ADAM10: variants seen among roughly 807,000 people sequenced by gnomAD.
ADAM10 encodes disintegrin and metalloproteinase domain-containing protein 10.
A neutral mutation model predicts 90.1 loss-of-function variants in ADAM10; 17 were observed. That is an observed-to-expected ratio of 0.19 (90% CI 0.13 to 0.28). The LOEUF (loss-of-function observed/expected upper bound fraction) is 0.28, where lower values mean the gene tolerates loss of function less well. ADAM10 is among the 10% of genes least tolerant of loss of function. ADAM10 has a pLI of 1.00. For synonymous variants in ADAM10, 310 were observed against 298.6 expected, an observed-to-expected ratio of 1.04 and a Z score of -0.40; for missense variants, 610 against 914.3, an observed-to-expected ratio of 0.67 and a Z score of 4.29.
At chr15:58,604,748 CT>C (rs1411316683) in intron 14 of ADAM10, among the ~76,000 whole-genome samples, 1 of 151,980 alleles carries the variant, frequency 6.6e-6, no homozygotes, top group Non-Finnish European at 1.5e-5. Flanking sequence ...CCTACACACT[CT>C]TTTTTTTCTC....
intron 2 of ADAM10, among the ~76,000 whole-genome samples, chr15:58,712,931 C>G (rs767536513): frequency 6.6e-6 from 1 of 152,140 alleles, no homozygotes; most frequent in Non-Finnish European, 1.5e-5. Flanking sequence ...CACATGAACA[C>G]GAGGACTGAG....
chr15:58,715,494 T>C (rs1469380802), intron 2 of ADAM10, among the ~76,000 whole-genome samples: 1 of 152,182 alleles, frequency 6.6e-6, no homozygotes, highest in Admixed American at 6.5e-5. Context: ...TCAGGTCCTT[T>C]TTTAGTGCCT....
intron 15 of ADAM10, among the ~76,000 whole-genome samples, chr15:58,598,088 G>A (rs1271600393): frequency 6.6e-6 from 1 of 152,114 alleles, no homozygotes; most frequent in Non-Finnish European, 1.5e-5. Flanking sequence ...GTGTCTTTGA[G>A]CAAATGCCTT....
chr15:58,721,892 G>C (rs1467866347), intron 1 of ADAM10, among the ~76,000 whole-genome samples: 2 of 151,484 alleles, frequency 1.3e-5, no homozygotes, highest in Admixed American at 6.6e-5. Flanking sequence ...GCTGGGCATG[G>C]TGGCAGGTGC....
At chr15:58,692,639 C>T (rs769507103) in intron 2 of ADAM10, 1 of 559,684 alleles carries the variant, frequency 1.8e-6, no homozygotes. Flanking sequence ...TCTGTCTGAT[C>T]TTCTTTAAGG....
At chr15:58,641,935 G>A (rs1342540772) in intron 7 of ADAM10, among the ~76,000 whole-genome samples, 7 of 152,162 alleles carry the variant, frequency 4.6e-5, no homozygotes, top group African/African-American at 1.7e-4. Flanking sequence ...CAGAAGCAGG[G>A]AGGCAAAAAC....
rs1348254551 is a variant in ADAM10, at chr15:58,610,528, A to C, written c.1805-11T>G. ...AAGTTGATGGGTCCACTGGAAAAGA[A>C]ATGCCAAATATAAGCTGAAGGTCAG... is the stretch of plus-strand genomic sequence containing the variant. On this transcript the variant is annotated splice_polypyrimidine_tract_variant and intron_variant, in intron 13 of 15. Coordinates refer to ENST00000260408, the MANE Select transcript of ADAM10 (RefSeq NM_001110.4). 4 of 1,610,068 alleles carry C rather than the reference A, an allele frequency of 2.5e-6. No individual in the cohort carries two copies.
intron 5 of ADAM10, among the ~76,000 whole-genome samples, chr15:58,664,536 T>C (rs1382851658): frequency 1.3e-5 from 2 of 152,170 alleles, no homozygotes; most frequent in African/African-American, 2.4e-5. Context: ...TCTACCATAC[T>C]ACTTTTAGAA....
rs866700920 is a variant in ADAM10, at chr15:58,740,136, G to A, written c.55+9344C>T. ...ATAAAGAACAGCAATATCAAAGCTC[G>A]GCATGGTGGCTCATGCCTGTAATCC... is the stretch of plus-strand genomic sequence containing the variant. On this transcript the variant is annotated intron_variant, in intron 1 of 15. Transcript: ENST00000260408. Among the ~76,000 whole-genome samples the A allele has an allele frequency of 3.6e-5, 5 of 138,280 alleles. No individual in the cohort carries two copies. In the Middle Eastern group the frequency reaches 0.011, roughly 301 times the overall value. The allele number at this position is 138,280 out of a possible 152,430, so 90.7% of individuals were successfully genotyped here.
chr15:58,658,654 C>A (rs1251978380), intron 5 of ADAM10, among the ~76,000 whole-genome samples: 3 of 152,154 alleles, frequency 2.0e-5, no homozygotes, highest in African/African-American at 7.2e-5. Flanking sequence ...TTTATTTAAT[C>A]TTTAATTTTT....
intron 15 of ADAM10, among the ~76,000 whole-genome samples, chr15:58,598,879 G>C (rs1197036666): frequency 1.3e-5 from 2 of 152,198 alleles, no homozygotes; most frequent in African/African-American, 4.8e-5. Flanking sequence ...GTTGTTTTCA[G>C]GAATGGAGAA....
intron 4 of ADAM10, among the ~76,000 whole-genome samples, chr15:58,677,849 A>C (rs1897331597): frequency 6.6e-6 from 1 of 152,200 alleles, no homozygotes; most frequent in Non-Finnish European, 1.5e-5. Flanking sequence ...GCAATATTAC[A>C]GGAGCAAAAG....
intron 2 of ADAM10, chr15:58,692,836 G>C (rs745389395): frequency 1.5e-6 from 1 of 654,238 alleles, no homozygotes; most frequent in East Asian, 3.9e-5. Context: ...GGAGATTTCT[G>C]CACAAGACTG....
chr15:58,738,256 C>T (rs1355296323), intron 1 of ADAM10, among the ~76,000 whole-genome samples: 2 of 152,178 alleles, frequency 1.3e-5, no homozygotes, highest in African/African-American at 4.8e-5. Context: ...ACTGTGTTGA[C>T]CAATGCTTCC....
At chr15:58,686,625 AAGAG>A (rs1201326574) in intron 2 of ADAM10, 2 of 869,322 alleles carry the variant, frequency 2.3e-6, no homozygotes, top group African/African-American at 1.6e-5. Context: ...TGAAGACTCT[AAGAG>A]AGAAGTTTGC....
intron 5 of ADAM10, among the ~76,000 whole-genome samples, chr15:58,664,838 G>C (rs977341523): frequency 6.6e-6 from 1 of 151,932 alleles, no homozygotes; most frequent in African/African-American, 2.4e-5. Flanking sequence ...TAAAACATTT[G>C]TTTTCTTTTA....
chr15:58,739,234 C>T (rs1012324863), intron 1 of ADAM10, among the ~76,000 whole-genome samples: 4 of 151,862 alleles, frequency 2.6e-5, no homozygotes, highest in Admixed American at 6.6e-5. Flanking sequence ...GGGCCGGGCG[C>T]GGTGGCTCAC....
rs201621495 is a variant in ADAM10, at chr15:58,611,938, T to C, written c.1565A>G (p.Glu522Gly). 6.2e-7 allele frequency: 1 copy of C among 1,614,108 alleles called. No homozygotes were observed. The highest frequency in any genetic ancestry group is 1.3e-5 in the African/African-American group (1 of 74,942). ...ACAGTCTGAATCATCCCGACACTTC[T>C]CAGACTTTGACTTGAATGCACACTG... ...TAQCAFKSKSEKCRDDSDCAR... is the reference protein window; with the variant it reads ...TAQCAFKSKSGKCRDDSDCAR... The change falls in exon 12 of 16, where the codon GAG becomes GGG. Residue 522 changes from glutamate (E) to glycine (G), a missense_variant. Glu to Gly is a moderately conservative substitution (Grantham distance 98). Coordinates refer to ENST00000260408, the MANE Select transcript of ADAM10 (RefSeq NM_001110.4).
chr15:58,710,247 C>T (rs1361214901), intron 2 of ADAM10, among the ~76,000 whole-genome samples: 1 of 152,286 alleles, frequency 6.6e-6, no homozygotes, highest in South Asian at 2.1e-4. Context: ...CACTACACCC[C>T]AGCCTGGAAA....
Sources: gnomAD v4.1 joint callset for allele counts (sites outside exome capture counted in the v4.1 genomes callset) on GRCh38, gnomAD v4.1.1 for gene constraint, MANE v1.5 for transcripts, NCBI Gene and HGNC (gene_info 2026-07-23, HGNC 2026-07-21) for gene names.